SDK2: variants seen among roughly 807,000 people sequenced by gnomAD.
SDK2 encodes protein sidekick-2.
Under a neutral mutation model 253.9 loss-of-function variants are expected in SDK2, and 105 were observed. The observed-to-expected ratio is 0.41, with a 90% CI of 0.35 to 0.49. The LOEUF is 0.49. Among genes scored for constraint, SDK2 ranks in the 20% least tolerant of loss-of-function variants. The pLI, the probability that SDK2 is intolerant of heterozygous loss-of-function variation, is 0.06. For synonymous variants in SDK2, 1,249 were observed against 1,234.9 expected (o/e 1.01, Z -0.24); for missense variants, 2,608 against 3,003.0 (o/e 0.87, Z 3.07).
rs369360412 is a variant in SDK2 at position 73,435,573 on chromosome 17, G to A, written c.1072C>T (p.Arg358Trp). ...TGCAGGCCCCCGTCGTTGCGCTGCC[G>A]GAAGCGGGTCAACTTCTCCACCTCC... ...VVEVEKLTRF[R>W]QRNDGGLQIS... Residue 358 changes from arginine (R) to tryptophan (W), a missense_variant, in exon 9 of 45, where the codon CGG (arginine) becomes TGG (tryptophan). Transcript: ENST00000392650. The surrounding 1 kb of genome is among the most constrained non-coding windows in gnomAD (Gnocchi z 5.7). 102 of 1,583,568 alleles carry A rather than the reference G, an allele frequency of 6.4e-5. No homozygotes were observed. The highest frequency in any genetic ancestry group is 7.8e-5 in the Non-Finnish European group (91 of 1,164,988).
intron 1 of SDK2, among the ~76,000 whole-genome samples, chr17:73,562,399 G>T (rs1480930166): frequency 6.6e-6 from 1 of 152,074 alleles, no homozygotes. Context: ...TAAGATTTTG[G>T]GCTTGGTCTT....
At chr17:73,564,928 T>C (rs1270641680) in intron 1 of SDK2, among the ~76,000 whole-genome samples, 2 of 152,102 alleles carry the variant, frequency 1.3e-5, no homozygotes, top group African/African-American at 4.8e-5. Flanking sequence ...AGGTCAACCC[T>C]TTCCCCAGAT....
intron 1 of SDK2, among the ~76,000 whole-genome samples, chr17:73,509,627 CA>C (rs111605845): frequency 0.069 from 5,573 of 81,212 alleles, 308 homozygotes; most frequent in African/African-American, 0.2. Flanking sequence ...CCCTCTTCAC[CA>C]AAAAAAAAAA....
chr17:73,437,402 AC>A (rs1422560703), intron 8 of SDK2, among the ~76,000 whole-genome samples: 1 of 152,008 alleles, frequency 6.6e-6, no homozygotes, highest in East Asian at 1.9e-4. Context: ...GGTGAGATGC[AC>A]CCGGGGGCTG....
chr17:73,600,007 C>T (rs762648878), intron 1 of SDK2, among the ~76,000 whole-genome samples: 3 of 152,222 alleles, frequency 2.0e-5, no homozygotes, highest in African/African-American at 4.8e-5. Context: ...TGATACTGAA[C>T]CCGTAGCAGC....
intron 1 of SDK2, among the ~76,000 whole-genome samples, chr17:73,635,952 A>G (rs1437304446): frequency 1.3e-5 from 2 of 152,202 alleles, no homozygotes; most frequent in Non-Finnish European, 2.9e-5. Context: ...AGCCAGGAGG[A>G]GCAGGAGGAG....
At position 73,402,154 on chromosome 17, in the gene SDK2, G is replaced by C. The variant is rs1470132866; in HGVS notation, c.2485-13C>G. ...CCCAGGCGATCAGCTGCGGAGAGGC[G>C]AGCAAGTCACACAGGGCAGCAGGAA... is the stretch of plus-strand genomic sequence containing the variant. On this transcript the variant is annotated splice_polypyrimidine_tract_variant and intron_variant, in intron 18 of 44. Coordinates refer to ENST00000392650, the MANE Select transcript of SDK2 (RefSeq NM_001144952.2). 1 of 1,610,226 alleles carries C rather than the reference G, an allele frequency of 6.2e-7. No individual in the cohort carries two copies. The highest frequency in any genetic ancestry group is 1.1e-5 in the South Asian group (1 of 90,420).
At chr17:73,342,468 T>C (rs929910493) in intron 44 of SDK2, among the ~76,000 whole-genome samples, 1 of 152,140 alleles carries the variant, frequency 6.6e-6, no homozygotes, top group Non-Finnish European at 1.5e-5. Flanking sequence ...GCAGCGGGGA[T>C]CTGTGAGGCA....
intron 6 of SDK2, among the ~76,000 whole-genome samples, chr17:73,440,173 T>A (rs569426364): frequency 6.6e-6 from 1 of 150,506 alleles, no homozygotes; most frequent in Non-Finnish European, 1.5e-5. Context: ...AATGGTGCAA[T>A]CTCAGCTCAC....
At position 73,533,477 on chromosome 17, in the gene SDK2, C is replaced by T. The variant is rs368269258; in HGVS notation, c.65-25880G>A. ...AGTGCAAACAGTCTGGGACACCCCA[C>T]GTCCCTGGACACAGGCCCTGAGGCC... On this transcript the variant is annotated intron_variant, in intron 1 of 44. Transcript: ENST00000392650. Among the ~76,000 whole-genome samples, 9 of 152,244 alleles carry T rather than the reference C, an allele frequency of 5.9e-5. No homozygotes were observed. In the South Asian group the frequency reaches 1.2e-3, roughly 21 times the overall value.
intron 44 of SDK2, among the ~76,000 whole-genome samples, chr17:73,344,520 A>C (rs1421554001): frequency 6.6e-6 from 1 of 152,244 alleles, no homozygotes; most frequent in Non-Finnish European, 1.5e-5. Flanking sequence ...GACCAAGGGC[A>C]TACTGCCTCA....
intron 39 of SDK2, among the ~76,000 whole-genome samples, chr17:73,359,668 C>T (rs1270862098): frequency 1.3e-5 from 2 of 152,162 alleles, no homozygotes; most frequent in East Asian, 1.9e-4. Flanking sequence ...TTTTTTGAGA[C>T]ACGTTCTCAC....
chr17:73,533,037 G>A (rs7211759), intron 1 of SDK2, among the ~76,000 whole-genome samples: 43,511 of 152,094 alleles, frequency 0.29, 7,485 homozygotes, highest in South Asian at 0.43. Context: ...CTCTCCAGCC[G>A]TTCCTTGGAT....
intron 3 of SDK2, among the ~76,000 whole-genome samples, chr17:73,462,622 G>A (rs963405372): frequency 1.3e-5 from 2 of 152,060 alleles, no homozygotes; most frequent in African/African-American, 4.8e-5. Flanking sequence ...CTGTATGGTG[G>A]GACAAAGGTA....
At chr17:73,440,194 G>A (rs1425220004) in intron 6 of SDK2, among the ~76,000 whole-genome samples, 2 of 149,550 alleles carry the variant, frequency 1.3e-5, no homozygotes, top group East Asian at 2.0e-4. Context: ...TGTAACCTCC[G>A]CCTCCTGGGT....
rs372906248 is a variant in SDK2 at position 73,439,640 on chromosome 17, C to T, written c.725+1172G>A. 9.8e-5 allele frequency among the ~76,000 whole-genome samples: 15 copies of T among 152,304 alleles called. No homozygotes were observed. In the East Asian group the frequency reaches 2.1e-3, roughly 22 times the overall value. Reference sequence around the variant, plus strand: ...ACCTCAGGGGGATCATCAGTCTAACCCCCTGCCCATCCCATTGGTTTAACT... The same window carrying T: ...ACCTCAGGGGGATCATCAGTCTAACTCCCTGCCCATCCCATTGGTTTAACT... On this transcript the variant is annotated intron_variant, in intron 6 of 44. Coordinates refer to ENST00000392650, the MANE Select transcript of SDK2 (RefSeq NM_001144952.2).
intron 34 of SDK2, among the ~76,000 whole-genome samples, chr17:73,380,332 C>A (rs187142363): frequency 3.3e-5 from 5 of 152,150 alleles, no homozygotes; most frequent in African/African-American, 4.8e-5. Flanking sequence ...CTCCTGAGCA[C>A]GAAACCCTCT....
In SDK2 at chr17:73,438,151, G is replaced by A; in HGVS notation, c.729C>T (p.Pro243=). The part of the protein sequence containing the change: ...VTLECVANAR[P]LIKLHIIWKK... ...TCCAAATGATATGTAGCTTGATCAGGGGCCTGCAGAGGGCAAGGGAAGGCC... is the reference window on the plus strand; with the variant it reads ...TCCAAATGATATGTAGCTTGATCAGAGGCCTGCAGAGGGCAAGGGAAGGCC... Residue 243 remains proline (P), a synonymous_variant, in exon 7 of 45, where the codon CCC becomes CCT. Coordinates refer to ENST00000392650, the MANE Select transcript of SDK2 (RefSeq NM_001144952.2). The A allele has an allele frequency of 5.2e-6, 8 of 1,550,490 alleles. No individual in the cohort carries two copies. The highest frequency in any genetic ancestry group is 6.1e-6 in the Non-Finnish European group (7 of 1,146,174).
intron 18 of SDK2, among the ~76,000 whole-genome samples, chr17:73,406,036 A>G (rs940860032): frequency 6.6e-6 from 1 of 151,890 alleles, no homozygotes; most frequent in Non-Finnish European, 1.5e-5. Context: ...CCTCTTATAT[A>G]TCTTAAATCA....
Sources: allele counts gnomAD v4.1 joint callset (sites outside exome capture counted in the v4.1 genomes callset), GRCh38; gene constraint gnomAD v4.1.1; non-coding constraint Gnocchi (gnomAD v3.1); transcripts MANE v1.5; gene names NCBI Gene and HGNC (gene_info 2026-07-23, HGNC 2026-07-21).